The following ABCC11 variants were observed in gnomAD, a reference collection of about 807,000 sequenced individuals.
The protein encoded by ABCC11 is ATP binding cassette subfamily C member 11.
Under a neutral mutation model 149.3 loss-of-function variants are expected in ABCC11, and 135 were observed. That is an observed-to-expected ratio of 0.90 (90% CI 0.79 to 1.04). ABCC11 has a LOEUF of 1.04. ABCC11 is among the 50% of genes least tolerant of loss of function. ABCC11 has a pLI of 0.00. For missense variants in ABCC11, 1,680 were observed against 1,722.1 expected, an observed-to-expected ratio of 0.98 and a Z score of 0.43; for synonymous variants, 665 against 671.4, an observed-to-expected ratio of 0.99 and a Z score of 0.15.
At chr16:48,208,530 C>T (rs1165894886) in intron 11 of ABCC11, 34 bp from the exon 12 acceptor site, 14 of 1,612,162 alleles carry the variant, frequency 8.7e-6, no homozygotes, top group Non-Finnish European at 1.0e-5. Context: ...AGTGTTGGGA[C>T]AGCATAGCCC....
At chr16:48,213,317 G>A in intron 10 of ABCC11, 126 bp downstream of exon 10, 2 of 744,196 alleles carry the variant, frequency 2.7e-6, no homozygotes, top group Non-Finnish European at 4.4e-6. Flanking sequence ...GGAGGTCACT[G>A]AGTTAGCTAA....
intron 9 of ABCC11, among the ~76,000 whole-genome samples, chr16:48,213,999 T>A (rs1259597050): frequency 6.6e-6 from 1 of 152,182 alleles, no homozygotes; most frequent in Non-Finnish European, 1.5e-5. Flanking sequence ...ACATTCAACA[T>A]CTCCTTACCC....
intron 28 of ABCC11, 109 bp downstream of exon 28, chr16:48,169,996 C>A: frequency 1.3e-6 from 1 of 744,924 alleles, no homozygotes; most frequent in East Asian, 2.5e-5. Context: ...AAGACGTACA[C>A]CACAGAGCCC....
chr16:48,202,700 AC>A (rs532122501), intron 14 of ABCC11, among the ~76,000 whole-genome samples: 27 of 152,296 alleles, frequency 1.8e-4, no homozygotes, highest in African/African-American at 5.8e-4. Context: ...CTAAGACACT[AC>A]ATTCAAGTCA....
At chr16:48,245,316 TA>T (rs1872571000) in intron 1 of ABCC11, among the ~76,000 whole-genome samples, 1 of 152,192 alleles carries the variant, frequency 6.6e-6, no homozygotes, top group African/African-American at 2.4e-5. Context: ...CTTACTACTA[TA>T]TTGCCCAGTA....
In ABCC11 at chr16:48,227,939, T is replaced by C; in HGVS notation, c.262A>G (p.Asn88Asp). 1.2e-6 allele frequency: 2 copies of C among 1,613,490 alleles called. No individual in the cohort carries two copies. Among genetic ancestry groups the C allele is most frequent in the Non-Finnish European group, 1.7e-6 (2 of 1,179,724 alleles). The change falls in exon 4 of 30, where the codon AAT (asparagine) becomes GAT (aspartate). Residue 88 changes from asparagine (N) to aspartate (D), a missense_variant. Asn to Asp is a conservative substitution (Grantham distance 23, BLOSUM62 1). Coordinates refer to ENST00000356608, the MANE Select transcript of ABCC11 (RefSeq NM_001370497.1). ...PRFPAPQPLD[N>D]AGLFSYLTVS... ...GTGAGGTAGGAGAACAGGCCAGCAT[T>C]GTCCAGGGGCTGGGGGGCAGGAAAC...
chr16:48,244,331 C>A (rs111517081), intron 1 of ABCC11: 52 of 1,301,022 alleles, frequency 4.0e-5, no homozygotes, highest in Admixed American at 3.2e-4. Context: ...CGGGGCAGGC[C>A]GGGGGCAGCT....
intron 6 of ABCC11, 102 bp downstream of exon 6, chr16:48,222,496 C>T (rs1969808775): frequency 3.2e-6 from 3 of 944,738 alleles, no homozygotes; most frequent in African/African-American, 3.3e-5. Context: ...TTTCTCCTTC[C>T]TCTTCTAACC....
intron 10 of ABCC11, among the ~76,000 whole-genome samples, chr16:48,212,860 A>C (rs33997658): frequency 6.6e-6 from 1 of 152,210 alleles, no homozygotes; most frequent in East Asian, 1.9e-4. Flanking sequence ...GATGCCAGCT[A>C]TGTAAATAAG....
chr16:48,174,054 C>T (rs1416018333), intron 26 of ABCC11, among the ~76,000 whole-genome samples: 1 of 152,192 alleles, frequency 6.6e-6, no homozygotes, highest in African/African-American at 2.4e-5. Flanking sequence ...AATGTCCCCT[C>T]CTCTGGGAAG....
intron 20 of ABCC11, 148 bp from the exon 21 acceptor site, chr16:48,187,575 T>C (rs1596700721): frequency 1.5e-6 from 1 of 673,606 alleles, no homozygotes; most frequent in Non-Finnish European, 2.5e-6. Context: ...TTTAAAAGCA[T>C]GGATGGGCTC....
At chr16:48,193,104 T>C (rs1967070851) in intron 19 of ABCC11, among the ~76,000 whole-genome samples, 1 of 152,142 alleles carries the variant, frequency 6.6e-6, no homozygotes. Context: ...GTGGCAACTG[T>C]GGGCAGGAGC....
chr16:48,200,280 A>G lies in ABCC11; in HGVS notation c.2078T>C (p.Leu693Pro), dbSNP rs1489959707. The G allele has an allele frequency of 5.6e-6, 9 of 1,614,096 alleles. No individual in the cohort carries two copies. The highest frequency in any genetic ancestry group is 6.8e-6 in the Non-Finnish European group (8 of 1,179,976). ...GAGCCCTGGAAGGGTGCTAACCTGCAGCTGGTGGGTCACCAGGACGACCGT... is the reference window on the plus strand; with the variant it reads ...GAGCCCTGGAAGGGTGCTAACCTGCGGCTGGTGGGTCACCAGGACGACCGT... The part of the protein sequence containing the change: ...GKTVVLVTHQ[L>P]QYLEFCGQII... Residue 693 changes from leucine (L) to proline (P), a missense_variant, in exon 15 of 30, where the codon CTG (leucine) becomes CCG (proline). Coordinates refer to ENST00000356608, the MANE Select transcript of ABCC11 (RefSeq NM_001370497.1).
intron 18 of ABCC11, 82 bp downstream of exon 18, chr16:48,196,150 G>A: frequency 7.1e-7 from 1 of 1,415,998 alleles, no homozygotes; most frequent in Admixed American, 1.8e-5. Flanking sequence ...TACTTCACAT[G>A]ACCTCACGTG....
intron 22 of ABCC11, 135 bp from the exon 23 acceptor site, chr16:48,184,761 G>A (rs1966654451): frequency 7.8e-6 from 7 of 894,364 alleles, no homozygotes; most frequent in Non-Finnish European, 1.2e-5. Context: ...TTTCTTTGGG[G>A]AGTTCCTCCC....
At position 48,227,847 on chromosome 16, in the gene ABCC11, A is replaced by G; in HGVS notation, c.354T>C (p.Pro118=). 6.3e-7 allele frequency: 1 copy of G among 1,594,316 alleles called. No individual in the cohort carries two copies. Among genetic ancestry groups the G allele is most frequent in the African/African-American group, 1.4e-5 (1 of 73,962 alleles). ...CTGAGGCATCATGGACTGACAGTGG[A>G]GGGATGGTGTTCTCATCTAAGCGAC... ...LRSRLDENTI[P]PLSVHDASDK... Residue 118 remains proline, a synonymous_variant, in exon 4 of 30, where the codon CCT becomes CCC. Transcript: ENST00000356608.
chr16:48,216,997 A>T (rs1969390339), intron 6 of ABCC11, among the ~76,000 whole-genome samples: 1 of 152,132 alleles, frequency 6.6e-6, no homozygotes, highest in Non-Finnish European at 1.5e-5. Context: ...ATCTTTCCTA[A>T]TAAAATCACT....
At chr16:48,215,066 C>T (rs374819412) in intron 8 of ABCC11, 37 bp from the exon 9 acceptor site, 4 of 1,608,964 alleles carry the variant, frequency 2.5e-6, no homozygotes, top group South Asian at 1.1e-5. Flanking sequence ...AAGATAACCA[C>T]AAGAACATTC....
chr16:48,222,065 C>T (rs1969779229), intron 6 of ABCC11, among the ~76,000 whole-genome samples: 1 of 150,762 alleles, frequency 6.6e-6, no homozygotes, highest in African/African-American at 2.5e-5. Context: ...CAGGCATGTA[C>T]CACCAAGCCC....
Sources: gnomAD v4.1 joint callset for allele counts (sites outside exome capture counted in the v4.1 genomes callset) on GRCh38, gnomAD v4.1.1 for gene constraint, MANE v1.5 for transcripts, NCBI Gene and HGNC (gene_info 2026-07-23, HGNC 2026-07-21) for gene names.